Variants in GJA3 observed in about 807,000 individuals in gnomAD.
The protein encoded by GJA3 is gap junction alpha-3 protein.
For missense variants in GJA3, 571 were observed against 620.3 expected (o/e 0.92, Z 0.84); for synonymous variants, 297 against 292.6 (o/e 1.02, Z -0.15).
At chr13:20,157,421 G>C (rs945912488) in intron 1 of GJA3, among the ~76,000 whole-genome samples, 1 of 152,208 alleles carries the variant, frequency 6.6e-6, no homozygotes, top group Non-Finnish European at 1.5e-5. Context: ...ATCGACAGAA[G>C]AAATATGGAA....
chr13:20,159,499 C>T (rs934872896), intron 1 of GJA3, among the ~76,000 whole-genome samples: 21 of 121,150 alleles, frequency 1.7e-4, no homozygotes, highest in Non-Finnish European at 2.7e-4. Flanking sequence ...CTGCGATAAA[C>T]GTAATTTTTC....
Position 20,141,434 on chromosome 13 carries a change from T to G in GJA3, c.*547A>C, listed in dbSNP as rs1958806238. 2 of 152,752 alleles carry G rather than the reference T, an allele frequency of 1.3e-5. No individual in the cohort carries two copies. Among genetic ancestry groups the G allele is most frequent in the African/African-American group, 4.8e-5 (2 of 41,574 alleles). 9.5% of individuals were successfully genotyped at this position (152,752 alleles called of 1,614,324 possible). A position where few individuals can be genotyped will look rare whatever the true frequency, so the allele number is the denominator to read the frequency against. On this transcript the variant is annotated 3_prime_UTR_variant, in exon 2 of 2. Coordinates refer to ENST00000241125, the MANE Select transcript of GJA3 (RefSeq NM_021954.4). ...GGGCTTCACATGCAATTTCGGAAAC[T>G]CAAATGACACTACATAGACTTGCTG...
intron 1 of GJA3, among the ~76,000 whole-genome samples, chr13:20,154,271 T>C (rs565269948): frequency 2.0e-5 from 3 of 152,348 alleles, no homozygotes; most frequent in East Asian, 3.9e-4. Context: ...TTTAATGCCC[T>C]GAGCCTTAGG....
At chr13:20,149,239 A>AGC (rs1958862257) in intron 1 of GJA3, among the ~76,000 whole-genome samples, 1 of 152,076 alleles carries the variant, frequency 6.6e-6, no homozygotes, top group African/African-American at 2.4e-5. Context: ...CACACCTGTA[A>AGC]TCTCTGCACT....
rs1447097969 is a variant in GJA3 at position 20,144,707 on chromosome 13, A to C, written c.-17-1402T>G. 2.6e-5 allele frequency among the ~76,000 whole-genome samples: 4 copies of C among 152,306 alleles called. No individual in the cohort carries two copies. In the East Asian group the frequency reaches 7.7e-4, roughly 29 times the overall value. On this transcript the variant is annotated intron_variant, in intron 1 of 1. Transcript: ENST00000241125. ...ACTGCCAGCCTGCTAAGAAAGCAGCAGTGCCCACAGACACGGGATGAAGAT... is the reference window on the plus strand; with the variant it reads ...ACTGCCAGCCTGCTAAGAAAGCAGCCGTGCCCACAGACACGGGATGAAGAT...
chr13:20,142,419 G>C lies in GJA3; in HGVS notation c.870C>G (p.Ala290=). 6.7e-7 allele frequency: 1 copy of C among 1,498,452 alleles called. No homozygotes were observed. The highest frequency in any genetic ancestry group is 8.9e-7 in the Non-Finnish European group (1 of 1,123,860). The allele number at this position is 1,498,452 out of a possible 1,614,324, so 92.8% of individuals were successfully genotyped here. ...GQARAVGYPG[A]PPPAADFKLL... is the part of the protein sequence containing the mutation. ...GTTTGAAGTCCGCGGCTGGTGGCGG[G>C]GCCCCGGGGTAGCCCACGGCGCGGG... The change falls in exon 2 of 2, where the codon GCC becomes GCG. Residue 290 remains alanine (A), a synonymous_variant. Coordinates refer to ENST00000241125, the MANE Select transcript of GJA3 (RefSeq NM_021954.4).
chr13:20,151,729 G>A (rs977497527), intron 1 of GJA3, among the ~76,000 whole-genome samples: 1 of 152,104 alleles, frequency 6.6e-6, no homozygotes, highest in African/African-American at 2.4e-5. Flanking sequence ...AGGCGGGGGA[G>A]GCAGACAGGC....
intron 1 of GJA3, 97 bp from the exon 2 acceptor site, chr13:20,143,402 G>A: frequency 1.3e-6 from 1 of 752,532 alleles, no homozygotes; most frequent in Non-Finnish European, 2.1e-6. Flanking sequence ...GTACTGGGAT[G>A]GGGCTGATGG....
At chr13:20,160,800 C>G (rs12429245) in intron 1 of GJA3, 90 bp downstream of exon 1, 5,611 of 152,172 alleles carry the variant, frequency 0.037, 209 homozygotes, top group Admixed American at 0.12. Flanking sequence ...GCTCGCCCGG[C>G]AGCTCCGCTG....
In GJA3 at chr13:20,142,113, C is replaced by T; in HGVS notation, c.1176G>A (p.Glu392=). ...CGGTGGTCACGGCCTGCTCCTCCTC[C>T]TCGGGGGTCCCTGCCAGGGCGCTCC... is the stretch of plus-strand genomic sequence containing the variant. ...LEGSALAGTP[E]EEEQAVTTAA... is the part of the protein sequence containing the mutation. The change falls in exon 2 of 2, where the codon GAG becomes GAA. Residue 392 remains glutamate (E), a synonymous_variant. Transcript: ENST00000241125. 1 of 1,546,576 alleles carries T rather than the reference C, an allele frequency of 6.5e-7. No homozygotes were observed. Among genetic ancestry groups the T allele is most frequent in the Middle Eastern group, 1.8e-4 (1 of 5,462 alleles).
At chr13:20,152,392 A>AT (rs533180232) in intron 1 of GJA3, among the ~76,000 whole-genome samples, 15 of 150,804 alleles carry the variant, frequency 9.9e-5, no homozygotes, top group South Asian at 8.4e-4. Flanking sequence ...TTAAAAAGAA[A>AT]TTTTTTTTTT....
chr13:20,141,887 T>G lies in GJA3; in HGVS notation c.*94A>C. Reference sequence around the variant, plus strand: ...TCCAGTCGCTCCCACCTCCTGGGACTTTCAGGTTCTATCTGCTGGTGGGAA... The same window carrying G: ...TCCAGTCGCTCCCACCTCCTGGGACGTTCAGGTTCTATCTGCTGGTGGGAA... On this transcript the variant is annotated 3_prime_UTR_variant, in exon 2 of 2. Transcript: ENST00000241125. 2 of 1,516,354 alleles carry G rather than the reference T, an allele frequency of 1.3e-6. No homozygotes were observed. Among genetic ancestry groups the G allele is most frequent in the African/African-American group, 1.4e-5 (1 of 72,030 alleles). 93.9% of individuals were successfully genotyped at this position (1,516,354 alleles called of 1,614,324 possible). A position where few individuals can be genotyped will look rare whatever the true frequency, so the allele number is the denominator to read the frequency against.
Position 20,140,214 on chromosome 13 carries a change from G to A in GJA3, c.*1767C>T, listed in dbSNP as rs1432458482. On this transcript the variant is annotated 3_prime_UTR_variant, in exon 2 of 2. Transcript: ENST00000241125. ...TGTCAATCTGGTTGAGAAAGTCTCT[G>A]AGGAGACGTATGGAAAAGTTAGCAT... 1.3e-5 allele frequency: 2 copies of A among 152,122 alleles called. No homozygotes were observed. The highest frequency in any genetic ancestry group is 2.4e-5 in the African/African-American group (1 of 41,430). The allele number at this position is 152,122 out of a possible 1,614,324, so 9.4% of individuals were successfully genotyped here. A position where few individuals can be genotyped will look rare whatever the true frequency, so the allele number is the denominator to read the frequency against.
rs780002171 is a variant in GJA3 at position 20,142,403 on chromosome 13, C to A, written c.886G>T (p.Asp296Tyr). The change falls in exon 2 of 2, where the codon GAC (aspartate) becomes TAC (tyrosine). Residue 296 changes from aspartate to tyrosine, a missense_variant. Coordinates refer to ENST00000241125, the MANE Select transcript of GJA3 (RefSeq NM_021954.4). The part of the protein sequence containing the change: ...GYPGAPPPAA[D>Y]FKLLALTEAR... ...TCGGTCAGGGCTAGCAGTTTGAAGT[C>A]CGCGGCTGGTGGCGGGGCCCCGGGG... The A allele has an allele frequency of 1.3e-6, 2 of 1,505,206 alleles. No homozygotes were observed. The highest frequency in any genetic ancestry group is 1.3e-5 in the South Asian group (1 of 76,240). The allele number at this position is 1,505,206 out of a possible 1,614,324, so 93.2% of individuals were successfully genotyped here.
chr13:20,154,891 C>A (rs1210446622), intron 1 of GJA3, among the ~76,000 whole-genome samples: 1 of 152,186 alleles, frequency 6.6e-6, no homozygotes, highest in East Asian at 1.9e-4. Context: ...TGCTCTGTCA[C>A]TCAGGATGGA....
chr13:20,145,187 A>T (rs987114828), intron 1 of GJA3, among the ~76,000 whole-genome samples: 1 of 152,154 alleles, frequency 6.6e-6, no homozygotes, highest in Non-Finnish European at 1.5e-5. Context: ...ATCTCAAAAA[A>T]ATTTTTTTTT....
At position 20,141,986 on chromosome 13, in the gene GJA3, T is replaced by C. The variant is rs776596399; in HGVS notation, c.1303A>G (p.Ile435Val). 6 of 1,550,264 alleles carry C rather than the reference T, an allele frequency of 3.9e-6. No homozygotes were observed. The South Asian group carries it at 7.1e-5, about 18-fold the overall frequency. ...SGRARPEDLA[I>V] ...TGGAGGCAGGCACCCGGGCACTAGA[T>C]GGCCAAGTCCTCCGGTCTGGCCCGC... Residue 435 changes from isoleucine (I) to valine (V), a missense_variant, in exon 2 of 2, where the codon ATC becomes GTC. Transcript: ENST00000241125.
intron 1 of GJA3, among the ~76,000 whole-genome samples, chr13:20,154,044 G>C (rs1229249920): frequency 6.6e-6 from 1 of 152,150 alleles, no homozygotes; most frequent in Non-Finnish European, 1.5e-5. Context: ...GTATCTGGTA[G>C]GACAAGTCCC....
intron 1 of GJA3, 108 bp downstream of exon 1, chr13:20,160,782 C>CCCGCTGGGCTCGCCCGGCAGCT (rs1337855892): frequency 2.0e-5 from 3 of 152,112 alleles, no homozygotes; most frequent in Non-Finnish European, 2.9e-5. Flanking sequence ...GCAGTCTCAG[C>CCCGCTGGGCTCGCCCGGCAGCT]CCGCTGGGCT....
Sources: gnomAD v4.1 joint callset for allele counts (sites outside exome capture counted in the v4.1 genomes callset) on GRCh38, gnomAD v4.1.1 for gene constraint, MANE v1.5 for transcripts, NCBI Gene and HGNC (gene_info 2026-07-23, HGNC 2026-07-21) for gene names.